CNTN4: variants seen among roughly 807,000 people sequenced by gnomAD.
The protein encoded by CNTN4 is contactin-4.
A neutral mutation model predicts 122.5 loss-of-function variants in CNTN4; 77 were observed. That is an observed-to-expected ratio of 0.63 (90% CI 0.52 to 0.76). The LOEUF is 0.76. CNTN4 is among the 30% of genes least tolerant of loss of function. The probability of loss-of-function intolerance (pLI) is 0.00; values close to 1 mark genes in which losing one functional copy is unlikely to be tolerated. For synonymous variants in CNTN4, 512 were observed against 447.0 expected (o/e 1.15, Z -1.83); for missense variants, 1,256 against 1,259.1 (o/e 1.00, Z 0.04).
intron 13 of CNTN4, among the ~76,000 whole-genome samples, chr3:2,931,493 A>G (rs1397957462): frequency 6.6e-6 from 1 of 152,188 alleles, no homozygotes; most frequent in Non-Finnish European, 1.5e-5. Context: ...ATTCCCATTC[A>G]AGTGTCACCT....
intron 3 of CNTN4, among the ~76,000 whole-genome samples, chr3:2,546,515 G>A (rs2078252128): frequency 6.6e-6 from 1 of 151,944 alleles, no homozygotes; most frequent in South Asian, 2.1e-4. Flanking sequence ...AGTGTGACGA[G>A]GTGGAAAATC....
At chr3:2,667,122 G>A (rs1171717998) in intron 4 of CNTN4, among the ~76,000 whole-genome samples, 1 of 152,004 alleles carries the variant, frequency 6.6e-6, no homozygotes, top group Admixed American at 6.6e-5. Flanking sequence ...GGGATGGCTG[G>A]GTCAAATGGT....
At chr3:2,438,112 A>G (rs1268626745) in intron 3 of CNTN4, among the ~76,000 whole-genome samples, 1 of 152,214 alleles carries the variant, frequency 6.6e-6, no homozygotes. Flanking sequence ...CCGCAAGGTC[A>G]TAGACTTTCT....
At chr3:2,727,803 T>C (rs948653062) in intron 4 of CNTN4, among the ~76,000 whole-genome samples, 2 of 152,244 alleles carry the variant, frequency 1.3e-5, no homozygotes, top group African/African-American at 4.8e-5. Flanking sequence ...TTTTTCACTT[T>C]GTGCCTTCAG....
intron 4 of CNTN4, among the ~76,000 whole-genome samples, chr3:2,581,504 A>G (rs2079935222): frequency 6.6e-6 from 1 of 152,174 alleles, no homozygotes; most frequent in Non-Finnish European, 1.5e-5. Context: ...TGGACTCTAG[A>G]TGTATTAGTC....
chr3:2,434,511 G>A (rs571979887), intron 3 of CNTN4, among the ~76,000 whole-genome samples: 1 of 152,154 alleles, frequency 6.6e-6, no homozygotes, highest in East Asian at 1.9e-4. Flanking sequence ...GATTGGTGCA[G>A]CATCTGAGGG....
chr3:3,038,589 G>T (rs1184565535), intron 18 of CNTN4, among the ~76,000 whole-genome samples: 1 of 152,160 alleles, frequency 6.6e-6, no homozygotes, highest in Admixed American at 6.5e-5. Context: ...TCTCCACGTG[G>T]CTCATAAACG....
At chr3:2,459,551 G>T (rs771737195) in intron 3 of CNTN4, among the ~76,000 whole-genome samples, 4 of 152,074 alleles carry the variant, frequency 2.6e-5, no homozygotes, top group Non-Finnish European at 5.9e-5. Flanking sequence ...TTTTCTAGGT[G>T]CAGAGCAACT....
chr3:2,761,438 C>CTG (rs113454553), intron 6 of CNTN4, among the ~76,000 whole-genome samples: 14,556 of 92,492 alleles, frequency 0.16, 756 homozygotes, highest in Non-Finnish European at 0.18. Context: ...TAAGTGTAAC[C>CTG]TGTGTGTGTG....
chr3:2,780,568 C>T (rs1166489602), intron 6 of CNTN4, among the ~76,000 whole-genome samples: 1 of 152,182 alleles, frequency 6.6e-6, no homozygotes, highest in Non-Finnish European at 1.5e-5. Flanking sequence ...GCAACCATGT[C>T]TGCCATTGAG....
intron 2 of CNTN4, chr3:2,238,966 C>T (rs1406550783): frequency 6.8e-6 from 1 of 147,524 alleles, no homozygotes; most frequent in East Asian, 2.0e-4. Flanking sequence ...ACCTCGTGAT[C>T]CGCCCGCCTC....
intron 3 of CNTN4, among the ~76,000 whole-genome samples, chr3:2,493,649 G>T (rs1010354251): frequency 2.0e-5 from 3 of 151,834 alleles, no homozygotes; most frequent in Non-Finnish European, 4.4e-5. Flanking sequence ...TTATTTCTTT[G>T]TACTTTAATA....
chr3:2,547,658 C>G (rs180819482), intron 3 of CNTN4, among the ~76,000 whole-genome samples: 1 of 152,054 alleles, frequency 6.6e-6, no homozygotes, highest in Non-Finnish European at 1.5e-5. Context: ...CAGAGAGGCT[C>G]AACTGGAAAA....
chr3:2,802,896 A>T (rs1200804433), intron 6 of CNTN4, among the ~76,000 whole-genome samples: 1 of 152,232 alleles, frequency 6.6e-6, no homozygotes, highest in African/African-American at 2.4e-5. Context: ...TATCTTTATG[A>T]CTTCAGGATA....
chr3:2,710,109 A>G (rs2087037458), intron 4 of CNTN4, among the ~76,000 whole-genome samples: 1 of 152,168 alleles, frequency 6.6e-6, no homozygotes, highest in African/African-American at 2.4e-5. Flanking sequence ...TAAATACAGA[A>G]CATGCTATCT....
intron 2 of CNTN4, among the ~76,000 whole-genome samples, chr3:2,120,404 T>A (rs1362035158): frequency 4.2e-4 from 13 of 31,170 alleles, no homozygotes; most frequent in African/African-American, 1.1e-3. Context: ...TATATATATA[T>A]ATTTTTTTTT....
intron 13 of CNTN4, among the ~76,000 whole-genome samples, chr3:2,944,342 A>G (rs1237715769): frequency 6.6e-6 from 1 of 152,148 alleles, no homozygotes; most frequent in Non-Finnish European, 1.5e-5. Context: ...AATAAATCTA[A>G]GTAGTAGAAT....
At chr3:2,540,133 A>AT (rs2077975593) in intron 3 of CNTN4, among the ~76,000 whole-genome samples, 1 of 151,986 alleles carries the variant, frequency 6.6e-6, no homozygotes, top group South Asian at 2.1e-4. Context: ...AATAGGTGAT[A>AT]TAAAAAATTG....
intron 4 of CNTN4, among the ~76,000 whole-genome samples, chr3:2,694,451 G>T (rs1045570833): frequency 2.6e-5 from 4 of 152,176 alleles, no homozygotes; most frequent in African/African-American, 9.7e-5. Context: ...GTCAAGAATT[G>T]AACAACATTG....
Sources: gnomAD v4.1 joint callset for allele counts (sites outside exome capture counted in the v4.1 genomes callset) on GRCh38, gnomAD v4.1.1 for gene constraint, MANE v1.5 for transcripts, NCBI Gene and HGNC (gene_info 2026-07-23, HGNC 2026-07-21) for gene names.